The following SOX5 variants were observed in gnomAD, a reference collection of about 807,000 sequenced individuals.
SOX5 encodes the protein SRY-box transcription factor 5.
Under a neutral mutation model 92.0 loss-of-function variants are expected in SOX5, and 9 were observed. That is an observed-to-expected ratio of 0.10 (90% CI 0.06 to 0.17). The LOEUF is 0.17. Ranked by LOEUF, SOX5 falls within the 10% of genes least tolerant of loss-of-function variation. SOX5 has a pLI of 1.00. For missense variants in SOX5, 642 were observed against 944.5 expected, an observed-to-expected ratio of 0.68 and a Z score of 4.20; for synonymous variants, 344 against 336.3, an observed-to-expected ratio of 1.02 and a Z score of -0.25.
chr12:24,139,405 C>T (rs747407195), intron 4 of SOX5, among the ~76,000 whole-genome samples: 25 of 151,880 alleles, frequency 1.6e-4, no homozygotes, highest in African/African-American at 4.8e-4. Flanking sequence ...CAGGCAGCAG[C>T]GTTAACAGGA....
intron 6 of SOX5, among the ~76,000 whole-genome samples, chr12:23,730,608 G>A (rs2093354561): frequency 6.6e-6 from 1 of 152,212 alleles, no homozygotes; most frequent in African/African-American, 2.4e-5. Flanking sequence ...AGGAAGAAAT[G>A]TAGATTGAGT....
chr12:24,524,703 TG>T (rs1220383821), intron 1 of SOX5, among the ~76,000 whole-genome samples: 1 of 152,142 alleles, frequency 6.6e-6, no homozygotes, highest in Non-Finnish European at 1.5e-5. Flanking sequence ...TTAGAACTTT[TG>T]TACACTGTTG....
intron 2 of SOX5, among the ~76,000 whole-genome samples, chr12:24,338,188 A>T (rs531640274): frequency 6.6e-6 from 1 of 152,288 alleles, no homozygotes; most frequent in Admixed American, 6.5e-5. Flanking sequence ...CTGCATTTAT[A>T]AAAAATTTAT....
chr12:23,770,511 T>C (rs2094898000), intron 3 of SOX5, among the ~76,000 whole-genome samples: 1 of 151,486 alleles, frequency 6.6e-6, no homozygotes, highest in African/African-American at 2.4e-5. Flanking sequence ...GACAAAAAAA[T>C]TATTTTAAAA....
intron 4 of SOX5, among the ~76,000 whole-genome samples, chr12:24,118,010 C>T (rs1001179887): frequency 2.4e-5 from 3 of 126,922 alleles, no homozygotes; most frequent in African/African-American, 9.2e-5. Flanking sequence ...CAGAGCGAGA[C>T]TCTCATTCAA....
At chr12:24,074,599 G>A (rs997488175) in intron 4 of SOX5, among the ~76,000 whole-genome samples, 5 of 118,828 alleles carry the variant, frequency 4.2e-5, no homozygotes, top group Non-Finnish European at 6.4e-5. Context: ...CAAACCTGGT[G>A]TCAGGCTTAG....
At chr12:24,318,844 T>C (rs534041183) in intron 2 of SOX5, among the ~76,000 whole-genome samples, 2 of 151,982 alleles carry the variant, frequency 1.3e-5, no homozygotes, top group Non-Finnish European at 2.9e-5. Context: ...TCAGTGAGAG[T>C]AGTATCATTT....
chr12:23,632,698 C>T (rs758078654), intron 8 of SOX5, among the ~76,000 whole-genome samples: 3 of 152,108 alleles, frequency 2.0e-5, no homozygotes, highest in Non-Finnish European at 4.4e-5. Context: ...CTCCATCAGA[C>T]AGGAGCTTAA....
rs1371551347 is a variant in SOX5, at chr12:23,826,747, T to A, written c.481+19236A>T. 2.0e-5 allele frequency among the ~76,000 whole-genome samples: 3 copies of A among 151,490 alleles called. No homozygotes were observed. In the East Asian group the frequency reaches 5.8e-4, roughly 29 times the overall value. On this transcript the variant is annotated intron_variant, in intron 3 of 14. Coordinates refer to ENST00000451604, the MANE Select transcript of SOX5 (RefSeq NM_006940.6). ...AAACAGAACTCCAAATGGGAGAGGG[T>A]GCATTTTGTTCATTTATATGGCTTT...
intron 4 of SOX5, among the ~76,000 whole-genome samples, chr12:24,180,414 A>T (rs1336646224): frequency 6.6e-6 from 1 of 152,186 alleles, no homozygotes; most frequent in East Asian, 1.9e-4. Context: ...AATTCAGTTA[A>T]CATGAATTAG....
chr12:23,900,030 C>A (rs1200800166), intron 1 of SOX5, among the ~76,000 whole-genome samples: 1 of 151,736 alleles, frequency 6.6e-6, no homozygotes, highest in Non-Finnish European at 1.5e-5. Context: ...TAAACAAAAG[C>A]CTGAGGATAA....
chr12:24,373,789 T>C (rs1418361503), intron 1 of SOX5, among the ~76,000 whole-genome samples: 1 of 152,224 alleles, frequency 6.6e-6, no homozygotes, highest in African/African-American at 2.4e-5. Flanking sequence ...GTAACAGATA[T>C]GCTACTTTCT....
intron 1 of SOX5, among the ~76,000 whole-genome samples, chr12:24,400,197 T>C (rs1410057677): frequency 2.0e-5 from 3 of 152,240 alleles, no homozygotes; most frequent in African/African-American, 7.2e-5. Context: ...AAGTCAAATT[T>C]CAGTTGAAAC....
At chr12:24,179,166 A>G (rs1468689750) in intron 4 of SOX5, among the ~76,000 whole-genome samples, 1 of 152,234 alleles carries the variant, frequency 6.6e-6, no homozygotes, top group South Asian at 2.1e-4. Context: ...AACATTTAAC[A>G]TTGTAGAGCA....
chr12:23,947,575 T>C (rs375690079), intron 1 of SOX5, among the ~76,000 whole-genome samples: 2 of 151,936 alleles, frequency 1.3e-5, no homozygotes, highest in African/African-American at 4.8e-5. Flanking sequence ...AGGAACGTTA[T>C]ATTGTGTGAC....
chr12:24,099,716 C>G (rs1189694332), intron 4 of SOX5, among the ~76,000 whole-genome samples: 2 of 152,068 alleles, frequency 1.3e-5, no homozygotes, highest in Non-Finnish European at 2.9e-5. Context: ...AAGCCACTAT[C>G]CTATTGGTTT....
At chr12:23,539,322 A>G (rs918502645) in intron 13 of SOX5, among the ~76,000 whole-genome samples, 5 of 152,188 alleles carry the variant, frequency 3.3e-5, no homozygotes, top group South Asian at 2.1e-4. Flanking sequence ...GAATACAGAA[A>G]GTTATAGTTC....
chr12:24,023,323 A>G (rs1397002168), intron 4 of SOX5, among the ~76,000 whole-genome samples: 3 of 152,124 alleles, frequency 2.0e-5, no homozygotes, highest in African/African-American at 7.2e-5. Flanking sequence ...TCCCAAAACC[A>G]GTATTACTTG....
intron 1 of SOX5, among the ~76,000 whole-genome samples, chr12:24,399,791 T>C (rs534056218): frequency 6.6e-6 from 1 of 152,358 alleles, no homozygotes; most frequent in Admixed American, 6.5e-5. Context: ...GATTTTCTCT[T>C]GTGCTCCCAG....
Sources: allele counts gnomAD v4.1 joint callset (sites outside exome capture counted in the v4.1 genomes callset), GRCh38; gene constraint gnomAD v4.1.1; transcripts MANE v1.5; gene names NCBI Gene and HGNC (gene_info 2026-07-23, HGNC 2026-07-21).